Variants in CAMTA1 observed in about 807,000 individuals in gnomAD.
CAMTA1 encodes calmodulin-binding transcription activator 1.
CAMTA1 carries 27 observed loss-of-function variants against 170.9 expected under a neutral mutation model. The observed-to-expected ratio is 0.16, with a 90% confidence interval of 0.12 to 0.22. The LOEUF is 0.22. Ranked by LOEUF, CAMTA1 falls within the 10% of genes least tolerant of loss-of-function variation. The pLI, the probability that CAMTA1 is intolerant of heterozygous loss-of-function variation, is 1.00. For synonymous variants in CAMTA1, 833 were observed against 891.5 expected, an observed-to-expected ratio of 0.93 and a Z score of 1.17; for missense variants, 1,619 against 2,217.2, an observed-to-expected ratio of 0.73 and a Z score of 5.42.
intron 3 of CAMTA1, among the ~76,000 whole-genome samples, chr1:6,892,213 G>A (rs1305719802): frequency 6.6e-6 from 1 of 152,172 alleles, no homozygotes; most frequent in Non-Finnish European, 1.5e-5. Context: ...GATCAGCATT[G>A]TTGGGCTTGA....
chr1:6,818,679 T>G (rs1646119056), intron 1 of CAMTA1, among the ~76,000 whole-genome samples: 1 of 152,128 alleles, frequency 6.6e-6, no homozygotes, highest in East Asian at 1.9e-4. Flanking sequence ...CACTCTGTCA[T>G]CCAGGCGGGA....
At chr1:6,800,531 T>C (rs1643629689) in intron 1 of CAMTA1, among the ~76,000 whole-genome samples, 1 of 152,202 alleles carries the variant, frequency 6.6e-6, no homozygotes, top group Non-Finnish European at 1.5e-5. Flanking sequence ...GTTCATAGTT[T>C]TGGAAAATAG....
At chr1:7,162,096 G>A (rs1404269953) in intron 4 of CAMTA1, among the ~76,000 whole-genome samples, 7 of 152,294 alleles carry the variant, frequency 4.6e-5, no homozygotes, top group Admixed American at 2.6e-4. Context: ...GGGCAGGGGC[G>A]TTTCTTGATG....
At chr1:7,078,316 T>C (rs537979177) in intron 3 of CAMTA1, among the ~76,000 whole-genome samples, 256 of 152,376 alleles carry the variant, frequency 1.7e-3, no homozygotes, top group African/African-American at 5.9e-3. Flanking sequence ...GCTCTTCTGA[T>C]TCTTGAACTG....
chr1:7,089,976 C>T lies in CAMTA1; in HGVS notation c.235-1328C>T, dbSNP rs551584077. Among the ~76,000 whole-genome samples the T allele has an allele frequency of 4.7e-4, 71 of 152,350 alleles. 1 individual carries two copies. The highest frequency in any genetic ancestry group is 1.1e-3 in the Admixed American group (17 of 15,298). ...TGCTTATTTATGATTTCTTCAGCTG[C>T]AGTCAGTGATAGAAACTTGCACAGT... On this transcript the variant is annotated intron_variant, in intron 3 of 22. Transcript: ENST00000303635.
At chr1:7,073,342 G>A (rs1638889733) in intron 3 of CAMTA1, among the ~76,000 whole-genome samples, 1 of 152,144 alleles carries the variant, frequency 6.6e-6, no homozygotes, top group Non-Finnish European at 1.5e-5. Context: ...TGTTTAATAG[G>A]CAGCTGGATA....
intron 5 of CAMTA1, among the ~76,000 whole-genome samples, chr1:7,406,376 G>A (rs560554870): frequency 3.9e-5 from 6 of 152,310 alleles, no homozygotes; most frequent in Non-Finnish European, 7.4e-5. Flanking sequence ...TGAAAGGTAG[G>A]ACATGAGGCC....
At position 6,805,695 on chromosome 1, in the gene CAMTA1, G is replaced by A. The variant is rs531006299; in HGVS notation, c.46-14486G>A. On this transcript the variant is annotated intron_variant, in intron 1 of 22. Transcript: ENST00000303635. ...AATTTAGAAATTTTTTAATAGAAAC[G>A]GAGTCTCTATATTATATTATGCCCA... Among the ~76,000 whole-genome samples, 3 of 152,000 alleles carry A rather than the reference G, an allele frequency of 2.0e-5. No homozygotes were observed. In the South Asian group the frequency reaches 6.2e-4, roughly 32 times the overall value.
chr1:7,058,539 G>A (rs1191631739), intron 3 of CAMTA1, among the ~76,000 whole-genome samples: 1 of 152,124 alleles, frequency 6.6e-6, no homozygotes, highest in Non-Finnish European at 1.5e-5. Context: ...CCCAGTAGAT[G>A]TCCATGGAAT....
intron 4 of CAMTA1, among the ~76,000 whole-genome samples, chr1:7,157,262 G>A (rs548193942): frequency 2.8e-5 from 4 of 143,522 alleles, no homozygotes; most frequent in South Asian, 2.3e-4. Flanking sequence ...GCAGAATGGC[G>A]TGAACCCGGG....
At chr1:6,825,484 T>C (rs534360854) in intron 3 of CAMTA1, among the ~76,000 whole-genome samples, 1 of 152,338 alleles carries the variant, frequency 6.6e-6, no homozygotes, top group South Asian at 2.1e-4. Context: ...CATTTTAGTG[T>C]CTTGCATTTA....
chr1:7,531,739 G>A (rs1459918058), intron 6 of CAMTA1, among the ~76,000 whole-genome samples: 1 of 152,216 alleles, frequency 6.6e-6, no homozygotes, highest in Non-Finnish European at 1.5e-5. Flanking sequence ...GAAGCGCAGA[G>A]CTTCTGAGAA....
At chr1:7,709,814 C>T (rs1459396540) in intron 11 of CAMTA1, among the ~76,000 whole-genome samples, 1 of 152,208 alleles carries the variant, frequency 6.6e-6, no homozygotes, top group Non-Finnish European at 1.5e-5. Context: ...ATTAGTGGTT[C>T]AGAAAAGCAT....
Position 7,249,459 on chromosome 1 carries a change from C to T in CAMTA1, c.303-32C>T. On this transcript the variant is annotated intron_variant, in intron 4 of 22. Transcript: ENST00000303635. This position sits in a 1 kb window ranked among gnomAD's most constrained non-coding sequence, Gnocchi z 4.4. Reference sequence around the variant, plus strand: ...TCATAAATTTTTCTTCTACTTGGTACTCTTGGTAACTTAACCATTTGTTGT... The same window carrying T: ...TCATAAATTTTTCTTCTACTTGGTATTCTTGGTAACTTAACCATTTGTTGT... 6.3e-7 allele frequency: 1 copy of T among 1,590,650 alleles called. No individual in the cohort carries two copies. Among genetic ancestry groups the T allele is most frequent in the Non-Finnish European group, 8.6e-7 (1 of 1,166,262 alleles).
chr1:6,934,825 T>TC lies in CAMTA1; in HGVS notation c.234+109617dup, dbSNP rs1685036199. Among the ~76,000 whole-genome samples, 1 of 152,206 alleles carries TC rather than the reference T, an allele frequency of 6.6e-6. No individual in the cohort carries two copies. The highest frequency in any genetic ancestry group is 6.5e-5 in the Admixed American group (1 of 15,282). On this transcript the variant is annotated intron_variant, in intron 3 of 22. Transcript: ENST00000303635. The surrounding 1 kb of genome is among the most constrained non-coding windows in gnomAD (Gnocchi z 4.5). ...ATGATGTGCCATTTCTTTGGGCTTT[T>TC]CCGAGGACTGCTCACTTGAGGCTTC...
At chr1:7,599,096 C>G (rs1471186437) in intron 6 of CAMTA1, among the ~76,000 whole-genome samples, 1 of 152,144 alleles carries the variant, frequency 6.6e-6, no homozygotes, top group Non-Finnish European at 1.5e-5. Flanking sequence ...ATCTTTAATC[C>G]ATCCTGAATT....
chr1:7,083,053 C>T (rs1298960641), intron 3 of CAMTA1, among the ~76,000 whole-genome samples: 1 of 152,134 alleles, frequency 6.6e-6, no homozygotes, highest in Non-Finnish European at 1.5e-5. Flanking sequence ...GAATGAAAGA[C>T]CGGGTGAATT....
chr1:6,983,855 G>A (rs1315479715), intron 3 of CAMTA1, among the ~76,000 whole-genome samples: 2 of 141,556 alleles, frequency 1.4e-5, no homozygotes, highest in African/African-American at 2.6e-5. Flanking sequence ...GTGGGTGATA[G>A]ATGAATGGGT....
intron 3 of CAMTA1, among the ~76,000 whole-genome samples, chr1:6,955,027 G>A (rs149515856): frequency 3.9e-4 from 59 of 152,042 alleles, no homozygotes; most frequent in African/African-American, 1.4e-3. Context: ...TGTTGTCTCC[G>A]GACCTTCAAT....
Sources: allele counts gnomAD v4.1 joint callset (sites outside exome capture counted in the v4.1 genomes callset), GRCh38; gene constraint gnomAD v4.1.1; non-coding constraint Gnocchi (gnomAD v3.1); transcripts MANE v1.5; gene names NCBI Gene and HGNC (gene_info 2026-07-23, HGNC 2026-07-21).